Variants in PCSK2 observed in about 807,000 individuals in gnomAD.
PCSK2 encodes the protein proprotein convertase subtilisin/kexin type 2.
Under a neutral mutation model 69.7 loss-of-function variants are expected in PCSK2, and 14 were observed. The ratio of observed to expected loss-of-function variants is 0.20; its 90% CI spans 0.13 to 0.31. The LOEUF (loss-of-function observed/expected upper bound fraction) is 0.31, where lower values mean the gene tolerates loss of function less well. Among genes scored for constraint, PCSK2 ranks in the 10% least tolerant of loss-of-function variants. The pLI is 1.00. For missense variants in PCSK2, 544 were observed against 842.5 expected, an observed-to-expected ratio of 0.65 and a Z score of 4.39; for synonymous variants, 307 against 320.7, an observed-to-expected ratio of 0.96 and a Z score of 0.46.
intron 2 of PCSK2, among the ~76,000 whole-genome samples, chr20:17,341,469 A>G (rs1259960791): frequency 1.3e-5 from 2 of 152,190 alleles, no homozygotes; most frequent in South Asian, 2.1e-4. Context: ...TTGGAAATGT[A>G]TATGTCTACG....
chr20:17,354,203 C>T (rs2030114817), intron 2 of PCSK2, among the ~76,000 whole-genome samples: 1 of 151,954 alleles, frequency 6.6e-6, no homozygotes, highest in Non-Finnish European at 1.5e-5. Flanking sequence ...ATAGTGATAC[C>T]CAGTAACAAA....
intron 2 of PCSK2, among the ~76,000 whole-genome samples, chr20:17,354,965 G>A (rs1326597342): frequency 2.0e-5 from 3 of 152,098 alleles, no homozygotes; most frequent in South Asian, 2.1e-4. Flanking sequence ...AAAGGTGTTC[G>A]TCTCTTTCAA....
chr20:17,460,926 T>C (rs2033004849), intron 10 of PCSK2, among the ~76,000 whole-genome samples: 1 of 152,190 alleles, frequency 6.6e-6, no homozygotes, highest in Non-Finnish European at 1.5e-5. Flanking sequence ...TATAAGGCCT[T>C]ATGCCCATTT....
intron 2 of PCSK2, among the ~76,000 whole-genome samples, chr20:17,277,037 A>C (rs1405239333): frequency 6.6e-6 from 1 of 152,106 alleles, no homozygotes; most frequent in African/African-American, 2.4e-5. Flanking sequence ...CTTCAAGGAG[A>C]ACTACAAACC....
At chr20:17,322,662 A>C (rs527423588) in intron 2 of PCSK2, among the ~76,000 whole-genome samples, 2 of 152,348 alleles carry the variant, frequency 1.3e-5, no homozygotes, top group African/African-American at 2.4e-5. Flanking sequence ...TCAGGAGCCC[A>C]GTCTCTCCTT....
At chr20:17,473,236 G>A (rs947838306) in intron 11 of PCSK2, among the ~76,000 whole-genome samples, 3 of 151,914 alleles carry the variant, frequency 2.0e-5, no homozygotes, top group African/African-American at 7.3e-5. Flanking sequence ...TGCGATTACA[G>A]GTACACACCA....
intron 7 of PCSK2, among the ~76,000 whole-genome samples, chr20:17,436,423 C>T (rs555088383): frequency 1.3e-5 from 2 of 152,216 alleles, no homozygotes; most frequent in South Asian, 2.1e-4. Flanking sequence ...ATCAAAGCAT[C>T]GCTTCAGCAA....
intron 1 of PCSK2, among the ~76,000 whole-genome samples, chr20:17,235,068 T>G (rs937489131): frequency 6.6e-6 from 1 of 152,196 alleles, no homozygotes; most frequent in Non-Finnish European, 1.5e-5. Flanking sequence ...CTGAAATGTA[T>G]AGTTGTGTAT....
intron 2 of PCSK2, among the ~76,000 whole-genome samples, chr20:17,333,839 G>A (rs897474750): frequency 3.4e-5 from 5 of 147,378 alleles, no homozygotes; most frequent in Non-Finnish European, 5.9e-5. Flanking sequence ...AACCGTGCTA[G>A]CACATGGAAG....
intron 6 of PCSK2, among the ~76,000 whole-genome samples, chr20:17,426,339 G>A (rs548958271): frequency 4.6e-5 from 7 of 152,270 alleles, no homozygotes; most frequent in African/African-American, 1.7e-4. Context: ...GGCCTCCCAA[G>A]CAATGCTGAA....
intron 2 of PCSK2, among the ~76,000 whole-genome samples, chr20:17,273,356 A>G (rs1987940820): frequency 6.6e-6 from 1 of 152,172 alleles, no homozygotes; most frequent in South Asian, 2.1e-4. Context: ...AATAACAATG[A>G]AAGTCCAAAT....
At chr20:17,249,269 G>C (rs1986881122) in intron 1 of PCSK2, among the ~76,000 whole-genome samples, 1 of 152,132 alleles carries the variant, frequency 6.6e-6, no homozygotes, top group African/African-American at 2.4e-5. Context: ...CACTTTGGGA[G>C]GCTGAGGCGG....
chr20:17,240,829 T>C (rs1268313826), intron 1 of PCSK2, among the ~76,000 whole-genome samples: 1 of 152,184 alleles, frequency 6.6e-6, no homozygotes, highest in African/African-American at 2.4e-5. Flanking sequence ...TAATCCCTCA[T>C]AGGAGTGTCA....
At chr20:17,356,691 C>T (rs992503344) in intron 2 of PCSK2, among the ~76,000 whole-genome samples, 2 of 152,126 alleles carry the variant, frequency 1.3e-5, no homozygotes, top group African/African-American at 2.4e-5. Flanking sequence ...AGGAAGATAT[C>T]GGGGGCTCAC....
At chr20:17,273,456 A>T (rs1482592290) in intron 2 of PCSK2, among the ~76,000 whole-genome samples, 4 of 152,208 alleles carry the variant, frequency 2.6e-5, no homozygotes, top group Non-Finnish European at 5.9e-5. Context: ...TAAGACTTCA[A>T]AGCTGGAAGT....
chr20:17,246,722 T>C (rs375570361), intron 1 of PCSK2, among the ~76,000 whole-genome samples: 2 of 151,740 alleles, frequency 1.3e-5, no homozygotes, highest in African/African-American at 2.4e-5. Context: ...CCCCTAGTGG[T>C]CCTAGGCTGT....
In PCSK2 at chr20:17,292,174, CCTCA is replaced by C. The variant is rs201545936; in HGVS notation, c.282+31834_282+31837del. Among the ~76,000 whole-genome samples the C allele has an allele frequency of 2.5e-3, 378 of 152,218 alleles. 6 individuals carry two copies. Among genetic ancestry groups the C allele is most frequent in the Admixed American group, 0.023 (358 of 15,288 alleles). Reference sequence around the variant, plus strand: ...ATCTTGATCTTTTTATTCATAGAGTCCTCACTCCAAAATCAAATACATATTACCT... The same window carrying C: ...ATCTTGATCTTTTTATTCATAGAGTCCTCCAAAATCAAATACATATTACCT... On this transcript the variant is annotated intron_variant, in intron 2 of 11. Coordinates refer to ENST00000262545, the MANE Select transcript of PCSK2 (RefSeq NM_002594.5).
chr20:17,474,295 T>A (rs2033253436), intron 11 of PCSK2, among the ~76,000 whole-genome samples: 1 of 152,192 alleles, frequency 6.6e-6, no homozygotes, highest in Admixed American at 6.5e-5. Flanking sequence ...GACAACTGTG[T>A]GGTGGCGTTG....
At chr20:17,280,380 C>T (rs574613090) in intron 2 of PCSK2, among the ~76,000 whole-genome samples, 2 of 152,254 alleles carry the variant, frequency 1.3e-5, no homozygotes, top group South Asian at 2.1e-4. Context: ...ATAATTGTTT[C>T]TTTAGGATAG....
Sources: allele counts gnomAD v4.1 joint callset (sites outside exome capture counted in the v4.1 genomes callset), GRCh38; gene constraint gnomAD v4.1.1; transcripts MANE v1.5; gene names NCBI Gene and HGNC (gene_info 2026-07-23, HGNC 2026-07-21).